Variants in QTMAN observed in about 807,000 individuals in gnomAD.
QTMAN encodes queuosine-tRNA mannosyltransferase.
chr2:144,202,618 G>A, the QTMAN span, among the ~76,000 whole-genome samples: 9 of 152,122 alleles, frequency 5.9e-5, no homozygotes, highest in Non-Finnish European at 1.3e-4. Flanking sequence ...ATTTGGGGAT[G>A]AGTTTTTTTC....
At chr2:144,216,298 G>A in the QTMAN span, among the ~76,000 whole-genome samples, 1 of 152,100 alleles carries the variant, frequency 6.6e-6, no homozygotes, top group Non-Finnish European at 1.5e-5. Context: ...GTAGTCACAC[G>A]TTCTGCTTCT....
the QTMAN span, among the ~76,000 whole-genome samples, chr2:144,078,923 T>G: frequency 6.6e-6 from 1 of 152,134 alleles, no homozygotes; most frequent in Non-Finnish European, 1.5e-5. Flanking sequence ...TTTCTCGATA[T>G]AAAGATTGGC....
chr2:144,028,383 A>C, the QTMAN span, among the ~76,000 whole-genome samples: 1 of 152,202 alleles, frequency 6.6e-6, no homozygotes, highest in Non-Finnish European at 1.5e-5. Context: ...TACAAGTCCA[A>C]ATTTTATTTT....
chr2:144,050,422 T>C, the QTMAN span, among the ~76,000 whole-genome samples: 7 of 152,302 alleles, frequency 4.6e-5, no homozygotes, highest in African/African-American at 1.4e-4. Context: ...GTAATGAGTT[T>C]CCAACTACTA....
At chr2:144,105,535 G>C in the QTMAN span, among the ~76,000 whole-genome samples, 2 of 152,144 alleles carry the variant, frequency 1.3e-5, no homozygotes, top group Non-Finnish European at 2.9e-5. Context: ...GAAATGAAGA[G>C]AGAAGAGAAG....
At chr2:144,093,978 A>G in the QTMAN span, among the ~76,000 whole-genome samples, 1 of 152,216 alleles carries the variant, frequency 6.6e-6, no homozygotes, top group African/African-American at 2.4e-5. Context: ...GGTTTAAAGG[A>G]TGTTTCCCAT....
At chr2:144,053,800 C>G in the QTMAN span, among the ~76,000 whole-genome samples, 1 of 152,114 alleles carries the variant, frequency 6.6e-6, no homozygotes, top group Non-Finnish European at 1.5e-5. Context: ...TATTCAGGAG[C>G]CTTAAGTCAC....
the QTMAN span, among the ~76,000 whole-genome samples, chr2:144,283,190 T>A: frequency 6.6e-6 from 1 of 152,190 alleles, no homozygotes; most frequent in Non-Finnish European, 1.5e-5. Flanking sequence ...TGGACAGAAA[T>A]TGAGGATAGC....
the QTMAN span, among the ~76,000 whole-genome samples, chr2:144,302,893 G>A: frequency 6.6e-6 from 1 of 152,170 alleles, no homozygotes; most frequent in South Asian, 2.1e-4. Flanking sequence ...CTTGAGGTCA[G>A]GAGTTCGAGA....
the QTMAN span, among the ~76,000 whole-genome samples, chr2:144,038,780 T>G: frequency 6.6e-6 from 1 of 152,204 alleles, no homozygotes; most frequent in African/African-American, 2.4e-5. Context: ...TCAATAGAGA[T>G]TAAATTTAAA....
the QTMAN span, chr2:143,970,855 G>T: frequency 1.4e-6 from 1 of 714,898 alleles, no homozygotes; most frequent in Non-Finnish European, 2.5e-6. Context: ...TTTTTTTCAT[G>T]GTCTACTGCT....
chr2:144,235,797 A>G, the QTMAN span: 2 of 152,596 alleles, frequency 1.3e-5, no homozygotes, highest in Middle Eastern at 3.4e-3. Flanking sequence ...TGAATTCTCA[A>G]TCTTGAGCTG....
At chr2:144,238,714 G>A in the QTMAN span, among the ~76,000 whole-genome samples, 1 of 151,912 alleles carries the variant, frequency 6.6e-6, no homozygotes, top group African/African-American at 2.4e-5. Flanking sequence ...CAATAACACA[G>A]TTCTTCCAAC....
the QTMAN span, among the ~76,000 whole-genome samples, chr2:144,229,759 G>A: frequency 2.6e-5 from 4 of 152,166 alleles, no homozygotes; most frequent in East Asian, 1.9e-4. Context: ...CTCACAGAAT[G>A]AAATTACTGA....
chr2:144,079,987 C>A, the QTMAN span, among the ~76,000 whole-genome samples: 1 of 152,058 alleles, frequency 6.6e-6, no homozygotes, highest in Admixed American at 6.6e-5. Flanking sequence ...TTGTGCATCA[C>A]TCTTTCTCAA....
At chr2:144,329,321 T>C in the QTMAN span, among the ~76,000 whole-genome samples, 2 of 151,964 alleles carry the variant, frequency 1.3e-5, no homozygotes, top group South Asian at 4.1e-4. Context: ...AGTAAAAGAA[T>C]ACACAGTGTT....
At chr2:143,951,666 CT>C in the QTMAN span, among the ~76,000 whole-genome samples, 1 of 151,408 alleles carries the variant, frequency 6.6e-6, no homozygotes, top group Non-Finnish European at 1.5e-5. Context: ...CCTTTACTTC[CT>C]TTTAAACTAA....
At chr2:143,999,947 T>A in the QTMAN span, among the ~76,000 whole-genome samples, 8 of 152,084 alleles carry the variant, frequency 5.3e-5, no homozygotes, top group African/African-American at 1.9e-4. Context: ...TAGAAGTTCT[T>A]TATGCTGACA....
At chr2:143,968,845 C>G in the QTMAN span, among the ~76,000 whole-genome samples, 1 of 152,204 alleles carries the variant, frequency 6.6e-6, no homozygotes, top group Non-Finnish European at 1.5e-5. Context: ...ATCTCTCTGC[C>G]AGCACCTTAC....
Sources: allele counts gnomAD v4.1 joint callset (sites outside exome capture counted in the v4.1 genomes callset), GRCh38; gene constraint gnomAD v4.1.1; transcripts MANE v1.5; gene names NCBI Gene and HGNC (gene_info 2026-07-23, HGNC 2026-07-21).